ABTB3: variants seen among roughly 807,000 people sequenced by gnomAD.
ABTB3 encodes the protein ankyrin repeat- and BTB/POZ domain-containing protein 3.
the ABTB3 span, among the ~76,000 whole-genome samples, chr12:107,386,938 C>T: frequency 7.1e-6 from 1 of 141,616 alleles, no homozygotes; most frequent in African/African-American, 2.8e-5. Flanking sequence ...TGTGCGCATG[C>T]TTGCAAGAAG....
chr12:107,413,138 G>A, the ABTB3 span, among the ~76,000 whole-genome samples: 1 of 151,992 alleles, frequency 6.6e-6, no homozygotes, highest in South Asian at 2.1e-4. Context: ...GCCGGGCGTG[G>A]TGGTGGGCGC....
At chr12:107,583,177 T>A in the ABTB3 span, among the ~76,000 whole-genome samples, 2 of 152,200 alleles carry the variant, frequency 1.3e-5, no homozygotes, top group Non-Finnish European at 2.9e-5. Context: ...CAAAGTAGGA[T>A]AATGAACGTG....
chr12:107,593,828 G>A, the ABTB3 span, among the ~76,000 whole-genome samples: 2 of 152,154 alleles, frequency 1.3e-5, no homozygotes, highest in Non-Finnish European at 2.9e-5. Context: ...CCACCCAGCA[G>A]GACTACGTCT....
chr12:107,518,376 A>G, the ABTB3 span, among the ~76,000 whole-genome samples: 58,948 of 151,878 alleles, frequency 0.39, 12,049 homozygotes, highest in African/African-American at 0.5. Flanking sequence ...GTCCATCAAT[A>G]ATAGATTGGA....
At chr12:107,553,744 TCC>T in the ABTB3 span, among the ~76,000 whole-genome samples, 1 of 152,102 alleles carries the variant, frequency 6.6e-6, no homozygotes, top group Non-Finnish European at 1.5e-5. Flanking sequence ...TTCAAGACCA[TCC>T]TGGCCAACAT....
At chr12:107,652,992 ACCT>A in the ABTB3 span, among the ~76,000 whole-genome samples, 2 of 152,016 alleles carry the variant, frequency 1.3e-5, no homozygotes, top group Non-Finnish European at 2.9e-5. Flanking sequence ...GCTCACTGCA[ACCT>A]CCTCCTGGGT....
At chr12:107,375,581 C>A in the ABTB3 span, among the ~76,000 whole-genome samples, 1 of 152,354 alleles carries the variant, frequency 6.6e-6, no homozygotes, top group African/African-American at 2.4e-5. Flanking sequence ...CGGTGCCGTT[C>A]TACCTCTCAC....
At chr12:107,340,202 A>G in the ABTB3 span, among the ~76,000 whole-genome samples, 1 of 152,150 alleles carries the variant, frequency 6.6e-6, no homozygotes, top group South Asian at 2.1e-4. Flanking sequence ...GTTGGAGTTG[A>G]TAATTTTTGA....
chr12:107,403,225 G>T, the ABTB3 span, among the ~76,000 whole-genome samples: 3 of 152,184 alleles, frequency 2.0e-5, no homozygotes, highest in Non-Finnish European at 4.4e-5. Flanking sequence ...GGAAACCAAG[G>T]CCTGGTAAGG....
At chr12:107,612,791 C>G in the ABTB3 span, 1 of 1,613,396 alleles carries the variant, frequency 6.2e-7, no homozygotes, top group Non-Finnish European at 8.5e-7. Flanking sequence ...GCATGACTCC[C>G]CTGATGTATG....
the ABTB3 span, among the ~76,000 whole-genome samples, chr12:107,561,326 T>A: frequency 6.6e-6 from 1 of 152,124 alleles, no homozygotes; most frequent in African/African-American, 2.4e-5. Flanking sequence ...GCCTCTAAAA[T>A]CCTTTCTGGA....
At chr12:107,575,028 T>C in the ABTB3 span, among the ~76,000 whole-genome samples, 55 of 152,346 alleles carry the variant, frequency 3.6e-4, no homozygotes, top group African/African-American at 1.3e-3. Flanking sequence ...TGAGCATTGC[T>C]ATAGAAACCA....
At chr12:107,430,124 T>C in the ABTB3 span, among the ~76,000 whole-genome samples, 20 of 152,372 alleles carry the variant, frequency 1.3e-4, no homozygotes, top group East Asian at 3.7e-3. Flanking sequence ...CAGTTGGTAG[T>C]ATATCATGAC....
chr12:107,468,898 C>A, the ABTB3 span, among the ~76,000 whole-genome samples: 1 of 152,134 alleles, frequency 6.6e-6, no homozygotes, highest in African/African-American at 2.4e-5. Context: ...TGAAGGCTCA[C>A]ATCCGGGTCA....
chr12:107,466,718 C>T, the ABTB3 span, among the ~76,000 whole-genome samples: 1 of 151,962 alleles, frequency 6.6e-6, no homozygotes, highest in Admixed American at 6.6e-5. Flanking sequence ...GGGCCTCTGG[C>T]ATCTGGTTAA....
At chr12:107,470,485 T>G in the ABTB3 span, among the ~76,000 whole-genome samples, 1 of 152,030 alleles carries the variant, frequency 6.6e-6, no homozygotes, top group Non-Finnish European at 1.5e-5. Flanking sequence ...TCGGGCCCAG[T>G]GTCCTTTGCC....
At chr12:107,630,322 T>G in the ABTB3 span, among the ~76,000 whole-genome samples, 1 of 152,146 alleles carries the variant, frequency 6.6e-6, no homozygotes, top group Non-Finnish European at 1.5e-5. Flanking sequence ...ATATGTAGCT[T>G]AGTGAGTGGG....
chr12:107,657,802 C>G, the ABTB3 span: 5 of 1,453,536 alleles, frequency 3.4e-6, no homozygotes, highest in Non-Finnish European at 4.8e-6. Context: ...CAAATTCCAC[C>G]TGGCACCTGT....
At chr12:107,346,865 C>G in the ABTB3 span, among the ~76,000 whole-genome samples, 2 of 152,134 alleles carry the variant, frequency 1.3e-5, no homozygotes, top group Non-Finnish European at 2.9e-5. Flanking sequence ...ATAGCAGAGG[C>G]CAAAGTATCA....
Sources: allele counts gnomAD v4.1 joint callset (sites outside exome capture counted in the v4.1 genomes callset), GRCh38; gene constraint gnomAD v4.1.1; transcripts MANE v1.5; gene names NCBI Gene and HGNC (gene_info 2026-07-23, HGNC 2026-07-21).